The following ICA1 variants were observed in gnomAD, a reference collection of about 807,000 sequenced individuals.
The protein encoded by ICA1 is 69 kDa islet cell autoantigen.
A neutral mutation model predicts 71.0 loss-of-function variants in ICA1; 40 were observed. The observed-to-expected ratio is 0.56, with a 90% confidence interval of 0.44 to 0.73. ICA1 has a LOEUF of 0.73. Among genes scored for constraint, ICA1 ranks in the 30% least tolerant of loss-of-function variants. The pLI, the probability that ICA1 is intolerant of heterozygous loss-of-function variation, is 0.00. For missense variants in ICA1, 578 were observed against 576.5 expected (o/e 1.00, Z -0.03); for synonymous variants, 207 against 209.5 (o/e 0.99, Z 0.10).
At chr7:8,236,934 C>G (rs1802023146) in intron 1 of ICA1, 1 of 152,288 alleles carries the variant, frequency 6.6e-6, no homozygotes, top group African/African-American at 2.4e-5. Context: ...TTCACAAAAT[C>G]AATCCAATCA....
chr7:8,202,999 A>G (rs1790260911), intron 6 of ICA1, among the ~76,000 whole-genome samples: 2 of 152,214 alleles, frequency 1.3e-5, no homozygotes. Context: ...TGGGTACATT[A>G]ACTGTCAGAA....
rs368798662 is a variant in ICA1 at position 8,205,989 on chromosome 7, C to A, written c.579+12316G>T. Among the ~76,000 whole-genome samples the A allele has an allele frequency of 2.0e-5, 3 of 152,220 alleles. No homozygotes were observed. In the South Asian group the frequency reaches 6.2e-4, roughly 32 times the overall value. On this transcript the variant is annotated intron_variant, in intron 6 of 13. Coordinates refer to ENST00000402384, the MANE Select transcript of ICA1 (RefSeq NM_001136020.3). ...ATGGTTCCCTCTCAAATAGCTGCCC[C>A]CTCCACAGCCTCTCTCCCCCTCCCC... is the stretch of plus-strand genomic sequence containing the variant.
intron 1 of ICA1, among the ~76,000 whole-genome samples, chr7:8,259,426 T>A (rs1583984962): frequency 6.6e-6 from 1 of 152,302 alleles, no homozygotes; most frequent in East Asian, 1.9e-4. Flanking sequence ...AAGCCCAGGG[T>A]CTTAGTATTG....
intron 1 of ICA1, among the ~76,000 whole-genome samples, chr7:8,244,976 T>C (rs1400874869): frequency 1.3e-5 from 2 of 152,150 alleles, no homozygotes; most frequent in Non-Finnish European, 2.9e-5. Flanking sequence ...TGTAAACTAG[T>C]TCAACTATTG....
chr7:8,128,626 G>A (rs568125058), intron 12 of ICA1, among the ~76,000 whole-genome samples: 9 of 99,990 alleles, frequency 9.0e-5, no homozygotes, highest in Admixed American at 6.8e-4. Context: ...CCCAGGGCAC[G>A]ACAGTGAAGG....
At chr7:8,179,599 G>A (rs1373899864) in intron 6 of ICA1, among the ~76,000 whole-genome samples, 1 of 152,172 alleles carries the variant, frequency 6.6e-6, no homozygotes, top group African/African-American at 2.4e-5. Flanking sequence ...TCTGAAAACT[G>A]CTAGAAAATT....
intron 7 of ICA1, 39 bp downstream of exon 7, chr7:8,158,488 G>A (rs1042611921): frequency 1.9e-6 from 3 of 1,609,898 alleles, no homozygotes; most frequent in African/African-American, 2.7e-5. Flanking sequence ...TAAACCTTGT[G>A]CCATCCTTGG....
chr7:8,193,135 T>C (rs1786270546), intron 6 of ICA1, among the ~76,000 whole-genome samples: 1 of 152,228 alleles, frequency 6.6e-6, no homozygotes, highest in Non-Finnish European at 1.5e-5. Context: ...GAAATGTTTA[T>C]ATGTATATGT....
chr7:8,240,757 G>A (rs556723372), intron 1 of ICA1, among the ~76,000 whole-genome samples: 10 of 152,142 alleles, frequency 6.6e-5, no homozygotes, highest in Admixed American at 2.0e-4. Context: ...GGAGAACTAC[G>A]TGACGCATTT....
chr7:8,120,716 G>A (rs1156968563), intron 13 of ICA1, among the ~76,000 whole-genome samples: 4 of 152,156 alleles, frequency 2.6e-5, no homozygotes, highest in African/African-American at 7.2e-5. Context: ...CCCATTTGCA[G>A]GAAACAAATA....
At chr7:8,212,572 AC>A (rs1331815130) in intron 6 of ICA1, among the ~76,000 whole-genome samples, 1 of 152,220 alleles carries the variant, frequency 6.6e-6, no homozygotes, top group Non-Finnish European at 1.5e-5. Flanking sequence ...CTCAAAACAA[AC>A]AAAACAAAAC....
intron 1 of ICA1, among the ~76,000 whole-genome samples, chr7:8,252,078 A>T (rs1211776732): frequency 2.0e-5 from 3 of 152,216 alleles, no homozygotes; most frequent in African/African-American, 7.2e-5. Flanking sequence ...CAAATGGGTT[A>T]CCTCTGCTAA....
chr7:8,188,561 A>T (rs1315246622), intron 6 of ICA1, among the ~76,000 whole-genome samples: 1 of 152,208 alleles, frequency 6.6e-6, no homozygotes, highest in African/African-American at 2.4e-5. Flanking sequence ...TTTAAAAGTG[A>T]GTGTGGAGTA....
intron 6 of ICA1, among the ~76,000 whole-genome samples, chr7:8,191,772 C>CT (rs990031761): frequency 1.7e-4 from 26 of 151,808 alleles, no homozygotes; most frequent in African/African-American, 5.8e-4. Context: ...ACTAATGTCA[C>CT]TTTTTTCAGT....
At chr7:8,172,612 G>T (rs540363993) in intron 6 of ICA1, among the ~76,000 whole-genome samples, 8 of 152,184 alleles carry the variant, frequency 5.3e-5, no homozygotes, top group East Asian at 3.9e-4. Flanking sequence ...GGTTGGTCTG[G>T]TGTTAGATTT....
At chr7:8,229,979 T>C (rs1375010803) in intron 3 of ICA1, among the ~76,000 whole-genome samples, 2 of 152,212 alleles carry the variant, frequency 1.3e-5, no homozygotes, top group African/African-American at 2.4e-5. Flanking sequence ...CTGTTCACTT[T>C]TTAAAAATTG....
intron 8 of ICA1, among the ~76,000 whole-genome samples, chr7:8,152,718 TCCACCATCACCACC>T (rs1799601500): frequency 6.6e-5 from 2 of 30,332 alleles, no homozygotes; most frequent in Non-Finnish European, 1.7e-4. Flanking sequence ...CATCACCTCC[TCCACCATCACCACC>T]ACCACCACAA....
At chr7:8,153,450 A>G (rs1800335389) in intron 8 of ICA1, among the ~76,000 whole-genome samples, 1 of 152,122 alleles carries the variant, frequency 6.6e-6, no homozygotes, top group African/African-American at 2.4e-5. Flanking sequence ...TCACTGATAT[A>G]ATATATGTGA....
At chr7:8,252,634 AT>A (rs142017633) in intron 1 of ICA1, among the ~76,000 whole-genome samples, 5,795 of 151,876 alleles carry the variant, frequency 0.038, 345 homozygotes, top group African/African-American at 0.13. Flanking sequence ...AAAATGTCTC[AT>A]TAATAAATCC....
Sources: gnomAD v4.1 joint callset for allele counts (sites outside exome capture counted in the v4.1 genomes callset) on GRCh38, gnomAD v4.1.1 for gene constraint, MANE v1.5 for transcripts, NCBI Gene and HGNC (gene_info 2026-07-23, HGNC 2026-07-21) for gene names.